The following ZC3H12B variants were observed in gnomAD, a reference collection of about 807,000 sequenced individuals.
ZC3H12B encodes the protein zinc finger CCCH-type containing 12B.
In ZC3H12B, 7 loss-of-function variants were observed where a neutral mutation model predicts 43.9. That is an observed-to-expected ratio of 0.16 (90% CI 0.09 to 0.30). The LOEUF (loss-of-function observed/expected upper bound fraction) is 0.30, where lower values mean the gene tolerates loss of function less well. Among genes scored for constraint, ZC3H12B ranks in the 10% least tolerant of loss-of-function variants. The pLI is 1.00. For missense variants in ZC3H12B, 475 were observed against 670.2 expected (o/e 0.71, Z 3.22); for synonymous variants, 222 against 241.7 (o/e 0.92, Z 0.76).
the ZC3H12B span, among the ~76,000 whole-genome samples, chrX:65,306,833 C>T: frequency 1.8e-5 from 2 of 112,280 alleles, no homozygotes; most frequent in East Asian, 5.5e-4. Context: ...TAGAATACCA[C>T]TCAGCAATAA....
At chrX:65,292,901 T>C in the ZC3H12B span, among the ~76,000 whole-genome samples, 1 of 111,561 alleles carries the variant, frequency 9.0e-6, no homozygotes, top group South Asian at 3.7e-4. Flanking sequence ...GGAGGATCAC[T>C]TAAACCTGAA....
chrX:65,482,586 G>GT (rs2068077017), intron 3 of ZC3H12B, among the ~76,000 whole-genome samples: 1 of 112,236 alleles, frequency 8.9e-6, no homozygotes, highest in African/African-American at 3.2e-5. Flanking sequence ...GAAGAAAATA[G>GT]TAAGTATGTA....
chrX:65,502,310 G>A (rs1159258817), exon 5 of ZC3H12B: 1 of 1,209,473 alleles, frequency 8.3e-7, no homozygotes, highest in Non-Finnish European at 1.1e-6. Flanking sequence ...CCCAAAGTTT[G>A]AATCCATGGG....
chrX:65,123,468 C>A, the ZC3H12B span, among the ~76,000 whole-genome samples: 2 of 111,103 alleles, frequency 1.8e-5, no homozygotes, highest in Non-Finnish European at 3.8e-5. Flanking sequence ...AGGATTCCCC[C>A]TTCTTCTATT....
At chrX:65,244,696 C>A in the ZC3H12B span, among the ~76,000 whole-genome samples, 11,289 of 79,602 alleles carry the variant, frequency 0.14, 2,310 homozygotes, top group African/African-American at 0.5. Context: ...CACTGCTGCA[C>A]ACCAGACTCT....
chrX:65,121,580 G>T, the ZC3H12B span, among the ~76,000 whole-genome samples: 1 of 110,770 alleles, frequency 9.0e-6, no homozygotes, highest in African/African-American at 3.3e-5. Context: ...TATCAATTTT[G>T]TTGATCTTTT....
the ZC3H12B span, among the ~76,000 whole-genome samples, chrX:65,077,689 C>T: frequency 8.9e-6 from 1 of 112,159 alleles, no homozygotes; most frequent in Non-Finnish European, 1.9e-5. Context: ...GGGCTTTTTA[C>T]TAGAACATAG....
the ZC3H12B span, among the ~76,000 whole-genome samples, chrX:65,263,211 TA>T: frequency 9.0e-6 from 1 of 111,456 alleles, no homozygotes; most frequent in African/African-American, 3.2e-5. Flanking sequence ...CTATTATCAA[TA>T]AAAAAATTTT....
At chrX:65,205,289 G>C in the ZC3H12B span, among the ~76,000 whole-genome samples, 4 of 111,305 alleles carry the variant, frequency 3.6e-5, no homozygotes, top group Non-Finnish European at 7.5e-5. Context: ...ATTCTAGTTT[G>C]TTTAACTAAA....
upstream of ZC3H12B, among the ~76,000 whole-genome samples, chrX:65,485,402 T>C (rs1055805528): frequency 3.6e-5 from 4 of 111,965 alleles, no homozygotes; most frequent in Admixed American, 9.5e-5. Context: ...TACAGGCCTA[T>C]GCCACCATGC....
At chrX:65,387,350 G>A (rs774321938) in intron 2 of ZC3H12B, among the ~76,000 whole-genome samples, 4 of 111,889 alleles carry the variant, frequency 3.6e-5, no homozygotes, top group Middle Eastern at 4.6e-3. Flanking sequence ...TACATATTTA[G>A]GATAGTTAGA....
the ZC3H12B span, among the ~76,000 whole-genome samples, chrX:65,282,523 G>A: frequency 1.7e-4 from 19 of 110,884 alleles, no homozygotes; most frequent in Non-Finnish European, 2.5e-4. Flanking sequence ...CTTCAAAAAA[G>A]CAATGAATCA....
the ZC3H12B span, among the ~76,000 whole-genome samples, chrX:65,148,807 A>G: frequency 1.8e-5 from 2 of 111,288 alleles, no homozygotes; most frequent in Admixed American, 1.9e-4. Flanking sequence ...AGTTCTTGTG[A>G]AGATGTTTTC....
chrX:65,075,154 C>A, the ZC3H12B span, among the ~76,000 whole-genome samples: 1 of 112,198 alleles, frequency 8.9e-6, no homozygotes, highest in Non-Finnish European at 1.9e-5. Context: ...GTGTATATTT[C>A]TTCTCTGGAC....
the ZC3H12B span, among the ~76,000 whole-genome samples, chrX:65,099,720 A>T: frequency 9.0e-6 from 1 of 111,619 alleles, no homozygotes. Context: ...CAGAAACCCC[A>T]TCCAAAGGTC....
chrX:65,311,760 A>G, the ZC3H12B span, among the ~76,000 whole-genome samples: 1 of 111,895 alleles, frequency 8.9e-6, no homozygotes, highest in African/African-American at 3.3e-5. Context: ...TCCATCAATG[A>G]TAGACTGGAT....
At chrX:65,194,736 C>G in the ZC3H12B span, among the ~76,000 whole-genome samples, 4 of 112,046 alleles carry the variant, frequency 3.6e-5, no homozygotes, top group African/African-American at 9.7e-5. Flanking sequence ...GATTTTCTGT[C>G]TGAATGATCT....
At chrX:65,386,240 C>T (rs772193237) in intron 2 of ZC3H12B, among the ~76,000 whole-genome samples, 3 of 111,705 alleles carry the variant, frequency 2.7e-5, no homozygotes, top group African/African-American at 9.7e-5. Flanking sequence ...CCTCTTTGTA[C>T]CTCTGGAAGA....
At chrX:65,227,584 G>T in the ZC3H12B span, among the ~76,000 whole-genome samples, 5 of 111,531 alleles carry the variant, frequency 4.5e-5, no homozygotes, top group East Asian at 5.6e-4. Flanking sequence ...AAAAATTAAT[G>T]AATCCAGTAG....
Sources: allele counts gnomAD v4.1 joint callset (sites outside exome capture counted in the v4.1 genomes callset), GRCh38; gene constraint gnomAD v4.1.1; transcripts MANE v1.5; gene names NCBI Gene and HGNC (gene_info 2026-07-23, HGNC 2026-07-21).